TRIM66: variants seen among roughly 807,000 people sequenced by gnomAD.
TRIM66 encodes the protein tripartite motif containing 66.
TRIM66 carries 99 observed loss-of-function variants against 148.2 expected under a neutral mutation model. The observed-to-expected ratio is 0.67, with a 90% CI of 0.57 to 0.79. The LOEUF is 0.79. Among genes scored for constraint, TRIM66 ranks in the 30% least tolerant of loss-of-function variants. The pLI is 0.00. For missense variants in TRIM66, 1,666 were observed against 1,697.9 expected, an observed-to-expected ratio of 0.98 and a Z score of 0.33; for synonymous variants, 616 against 635.9, an observed-to-expected ratio of 0.97 and a Z score of 0.47.
chr11:8,663,659 A>G (rs1019549420), intron 6 of TRIM66, among the ~76,000 whole-genome samples: 3 of 152,198 alleles, frequency 2.0e-5, no homozygotes, highest in Non-Finnish European at 2.9e-5. Context: ...AAATGAAATC[A>G]GCATGTCAGA....
Position 8,619,547 on chromosome 11 carries a change from A to G in TRIM66, c.3748-12T>C. On this transcript the variant is annotated splice_polypyrimidine_tract_variant and intron_variant, in intron 22 of 24. Coordinates refer to ENST00000646038, the MANE Select transcript of TRIM66 (RefSeq NM_001388022.1). ...TAATAATGCCGGGCCTTGGGGGAGGAGACATGAGGAGAAGGAGGCAAAGGG... is the reference window on the plus strand; with the variant it reads ...TAATAATGCCGGGCCTTGGGGGAGGGGACATGAGGAGAAGGAGGCAAAGGG... 6.6e-7 allele frequency: 1 copy of G among 1,520,976 alleles called. No homozygotes were observed. The highest frequency in any genetic ancestry group is 1.4e-5 in the African/African-American group (1 of 71,678). The allele number at this position is 1,520,976 out of a possible 1,614,324, so 94.2% of individuals were successfully genotyped here. A position where few individuals can be genotyped will look rare whatever the true frequency, so the allele number is the denominator to read the frequency against.
At chr11:8,666,262 C>T (rs961556761) in intron 6 of TRIM66, among the ~76,000 whole-genome samples, 1 of 149,114 alleles carries the variant, frequency 6.7e-6, no homozygotes, top group African/African-American at 2.5e-5. Context: ...TCGCTTGAAC[C>T]CGGGAGGCAG....
chr11:8,657,476 G>A (rs2037928245), intron 6 of TRIM66, among the ~76,000 whole-genome samples: 1 of 152,052 alleles, frequency 6.6e-6, no homozygotes, highest in African/African-American at 2.4e-5. Flanking sequence ...CTGGGACAGG[G>A]AGGAGCTTAG....
At position 8,654,918 on chromosome 11, in the gene TRIM66, C is replaced by T. The variant is rs188719188; in HGVS notation, c.341-3015G>A. On this transcript the variant is annotated intron_variant, in intron 6 of 24. Transcript: ENST00000646038. The stretch of plus-strand genomic sequence containing the variant: ...CTCTGTCACCCAGGGTGGACTGCAG[C>T]GGCACAATCTCGGCTCACTGCAACC... 2.4e-3 allele frequency among the ~76,000 whole-genome samples: 360 copies of T among 151,960 alleles called. 2 individuals carry two copies. Among genetic ancestry groups the T allele is most frequent in the East Asian group, 9.7e-3 (50 of 5,160 alleles).
In TRIM66 at chr11:8,671,897, C is replaced by T; in HGVS notation, c.229G>A (p.Gly77Ser). Residue 77 changes from glycine (G) to serine (S), a missense_variant, in exon 6 of 25, where the codon GGT becomes AGT. Gly to Ser is a moderately conservative substitution (Grantham distance 56). Around this residue, in one of 3 missense-constraint regions of TRIM66, gnomAD observed 1,431 missense variants for 1,412.4 expected, o/e 1.01. Transcript: ENST00000646038. ...TCSLCHQDLP[G>S]MGSHLLSCQH... ...CAGGATAGGAGATGAGAGCCCATAC[C>T]TGGCAGGTCCTGATGGCACAATGAG... The T allele has an allele frequency of 6.5e-7, 1 of 1,536,174 alleles. No individual in the cohort carries two copies. Among genetic ancestry groups the T allele is most frequent in the Non-Finnish European group, 8.7e-7 (1 of 1,146,918 alleles).
chr11:8,620,963 G>A (rs2034152301), intron 20 of TRIM66, 69 bp downstream of exon 20: 2 of 1,499,960 alleles, frequency 1.3e-6, no homozygotes, highest in South Asian at 2.7e-5. Context: ...TGTGGGCCTG[G>A]CCTGGAATAA....
intron 6 of TRIM66, among the ~76,000 whole-genome samples, chr11:8,666,580 T>C (rs530727920): frequency 1.5e-4 from 23 of 152,210 alleles, no homozygotes; most frequent in South Asian, 1.2e-3. Context: ...CCTCATTTCA[T>C]CTTCACAACA....
intron 17 of TRIM66, 73 bp from the exon 18 acceptor site, chr11:8,622,949 T>G: frequency 7.9e-7 from 1 of 1,273,872 alleles, no homozygotes; most frequent in South Asian, 1.3e-5. Context: ...TATCTTCTAC[T>G]TATATCTGCT....
chr11:8,668,113 T>C (rs1010841813), intron 6 of TRIM66, among the ~76,000 whole-genome samples: 4 of 152,258 alleles, frequency 2.6e-5, no homozygotes, highest in Non-Finnish European at 5.9e-5. Context: ...ATAGCCATCC[T>C]AATGTACTTG....
chr11:8,682,626 A>T lies in TRIM66; in HGVS notation c.-573T>A. On this transcript the variant is annotated 5_prime_UTR_variant, in exon 1 of 25. Transcript: ENST00000646038. The stretch of plus-strand genomic sequence containing the variant: ...CGAAACCGTACACCGCCACCAGGAC[A>T]CTCCGTGATGGGGGATCACCACCCT... 1 of 672,104 alleles carries T rather than the reference A, an allele frequency of 1.5e-6. No homozygotes were observed. Among genetic ancestry groups the T allele is most frequent in the Non-Finnish European group, 2.7e-6 (1 of 374,642 alleles). The allele number at this position is 672,104 out of a possible 1,614,324, so 41.6% of individuals were successfully genotyped here. A position where few individuals can be genotyped will look rare whatever the true frequency, so the allele number is the denominator to read the frequency against.
At chr11:8,649,565 C>T (rs906349266) in intron 8 of TRIM66, among the ~76,000 whole-genome samples, 175 bp downstream of exon 8, 1 of 152,156 alleles carries the variant, frequency 6.6e-6, no homozygotes, top group Admixed American at 6.5e-5. Flanking sequence ...CAGGGAGGGA[C>T]GAGAGTGAGT....
At chr11:8,669,029 G>C (rs149406479) in intron 6 of TRIM66, among the ~76,000 whole-genome samples, 1 of 152,276 alleles carries the variant, frequency 6.6e-6, no homozygotes, top group African/African-American at 2.4e-5. Flanking sequence ...GAAACAAATA[G>C]ACTTCACCTC....
At position 8,618,031 on chromosome 11, in the gene TRIM66, A is replaced by G. The variant is rs780000744; in HGVS notation, c.4120-28T>C. On this transcript the variant is annotated intron_variant, in intron 24 of 24. Coordinates refer to ENST00000646038, the MANE Select transcript of TRIM66 (RefSeq NM_001388022.1). Reference sequence around the variant, plus strand: ...GAAAGAAAAATATATATTTGGAATTAAAATAGCCAAATGTAGGATTTATTA... The same window carrying G: ...GAAAGAAAAATATATATTTGGAATTGAAATAGCCAAATGTAGGATTTATTA... The G allele has an allele frequency of 3.9e-6, 6 of 1,539,988 alleles. No homozygotes were observed. In the African/African-American group the frequency reaches 8.2e-5, roughly 21 times the overall value.
chr11:8,681,919 T>G (rs1003982366), intron 1 of TRIM66, among the ~76,000 whole-genome samples: 2 of 152,134 alleles, frequency 1.3e-5, no homozygotes, highest in Non-Finnish European at 2.9e-5. Flanking sequence ...ATAGCATTTA[T>G]TTTTACTTAT....
chr11:8,653,299 C>T (rs1273847988), intron 6 of TRIM66, among the ~76,000 whole-genome samples: 1 of 152,202 alleles, frequency 6.6e-6, no homozygotes, highest in Non-Finnish European at 1.5e-5. Context: ...TGAATCTAAG[C>T]TCACCTTGTG....
intron 7 of TRIM66, among the ~76,000 whole-genome samples, chr11:8,650,925 G>C (rs184453924): frequency 6.6e-6 from 1 of 152,232 alleles, no homozygotes; most frequent in Admixed American, 6.5e-5. Context: ...GGAAGGGCAA[G>C]TATAGACCAG....
rs768922107 is a variant in TRIM66, at chr11:8,619,543, G to A, written c.3748-8C>T. 4 of 1,522,566 alleles carry A rather than the reference G, an allele frequency of 2.6e-6. No homozygotes were observed. Among genetic ancestry groups the A allele is most frequent in the Non-Finnish European group, 1.8e-6 (2 of 1,134,254 alleles). 94.3% of individuals were successfully genotyped at this position (1,522,566 alleles called of 1,614,324 possible). ...CTGGTAATAATGCCGGGCCTTGGGG[G>A]AGGAGACATGAGGAGAAGGAGGCAA... On this transcript the variant is annotated splice_region_variant and splice_polypyrimidine_tract_variant and intron_variant, in intron 22 of 24. Transcript: ENST00000646038.
At chr11:8,619,355 GGA>G (rs2033979400) in intron 23 of TRIM66, 26 bp downstream of exon 23, 1 of 1,471,920 alleles carries the variant, frequency 6.8e-7, no homozygotes, top group Non-Finnish European at 9.0e-7. Context: ...CAGGGAAATA[GGA>G]GAGAGGGAAA....
In TRIM66 at chr11:8,641,150, A is replaced by T. The variant is rs1321797108; in HGVS notation, c.1225T>A (p.Cys409Ser). 3 of 1,546,792 alleles carry T rather than the reference A, an allele frequency of 1.9e-6. No individual in the cohort carries two copies. The African/African-American group carries it at 4.1e-5, about 21-fold the overall frequency. ...FWTKQLASLGCITTEGGQMSR... is the reference protein window; with the variant it reads ...FWTKQLASLGSITTEGGQMSR... Reference sequence around the variant, plus strand: ...ATTTGTCCACCTTCAGTAGTTATGCAGCCTGAAAATGCAGAATAGAGAGTT... The same window carrying T: ...ATTTGTCCACCTTCAGTAGTTATGCTGCCTGAAAATGCAGAATAGAGAGTT... The change falls in exon 14 of 25, where the codon TGC (cysteine) becomes AGC (serine). Residue 409 changes from cysteine (C) to serine (S), a missense_variant and splice_region_variant. Cys to Ser is a moderately radical substitution (Grantham distance 112, BLOSUM62 -1). Around this residue, in one of 3 missense-constraint regions of TRIM66, gnomAD observed 1,431 missense variants for 1,412.4 expected, o/e 1.01. Coordinates refer to ENST00000646038, the MANE Select transcript of TRIM66 (RefSeq NM_001388022.1).
Sources: gnomAD v4.1 joint callset for allele counts (sites outside exome capture counted in the v4.1 genomes callset) on GRCh38, gnomAD v4.1.1 for gene constraint, gnomAD v4.1.1 regional missense constraint, MANE v1.5 for transcripts, NCBI Gene and HGNC (gene_info 2026-07-23, HGNC 2026-07-21) for gene names.